DPP10: variants seen among roughly 807,000 people sequenced by gnomAD.
DPP10 encodes the protein dipeptidyl peptidase like 10, also known as inactive dipeptidyl peptidase 10.
Under a neutral mutation model 120.9 loss-of-function variants are expected in DPP10, and 33 were observed. The ratio of observed to expected loss-of-function variants is 0.27; its 90% CI spans 0.21 to 0.37. The LOEUF is 0.37. DPP10 is among the 10% of genes least tolerant of loss of function. DPP10 has a pLI of 1.00. For synonymous variants in DPP10, 337 were observed against 326.1 expected (o/e 1.03, Z -0.36); for missense variants, 816 against 942.8 (o/e 0.87, Z 1.76).
At chr2:114,616,647 G>A (rs931307428) in intron 1 of DPP10, among the ~76,000 whole-genome samples, 1 of 152,066 alleles carries the variant, frequency 6.6e-6, no homozygotes, top group Admixed American at 6.6e-5. Flanking sequence ...AAAGAAGCTG[G>A]TTAATAAAAC....
intron 1 of DPP10, among the ~76,000 whole-genome samples, chr2:115,209,965 G>T (rs2056397309): frequency 6.6e-6 from 1 of 152,054 alleles, no homozygotes; most frequent in African/African-American, 2.4e-5. Flanking sequence ...GATTGTTTGA[G>T]GCTAGGAGTT....
intron 19 of DPP10, among the ~76,000 whole-genome samples, chr2:115,798,457 G>A (rs1284584251): frequency 1.3e-5 from 2 of 151,956 alleles, no homozygotes; most frequent in African/African-American, 4.8e-5. Context: ...GTTATTCCAG[G>A]ATTTTTTAAA....
chr2:114,699,188 A>G (rs1008101388), intron 1 of DPP10, among the ~76,000 whole-genome samples: 1 of 152,144 alleles, frequency 6.6e-6, no homozygotes, highest in East Asian at 1.9e-4. Context: ...ACTCAGAATA[A>G]CATGCTATAT....
At chr2:114,644,834 A>G (rs1695997777) in intron 1 of DPP10, among the ~76,000 whole-genome samples, 3 of 151,938 alleles carry the variant, frequency 2.0e-5, no homozygotes, top group Admixed American at 2.0e-4. Context: ...CGTGCTACTA[A>G]CATTTATCAT....
intron 1 of DPP10, among the ~76,000 whole-genome samples, chr2:115,023,501 T>C (rs1189270641): frequency 6.6e-6 from 1 of 151,902 alleles, no homozygotes; most frequent in Non-Finnish European, 1.5e-5. Context: ...ATAATAGATG[T>C]TGTTGTGGAT....
chr2:114,834,401 A>C (rs1558790426), intron 1 of DPP10, among the ~76,000 whole-genome samples: 1 of 151,156 alleles, frequency 6.6e-6, no homozygotes, highest in South Asian at 2.1e-4. Flanking sequence ...ATGTATATAT[A>C]AGCCATATCT....
At chr2:115,325,187 A>G (rs1468539322) in intron 2 of DPP10, among the ~76,000 whole-genome samples, 1 of 152,156 alleles carries the variant, frequency 6.6e-6, no homozygotes, top group Non-Finnish European at 1.5e-5. Flanking sequence ...ACAACAGGCT[A>G]CCACAACCCT....
chr2:114,917,612 A>G (rs1306989309), intron 1 of DPP10, among the ~76,000 whole-genome samples: 1 of 152,168 alleles, frequency 6.6e-6, no homozygotes, highest in Admixed American at 6.6e-5. Context: ...AAACAGACAC[A>G]TAGACCAATA....
At chr2:115,479,718 T>G (rs751035354) in intron 3 of DPP10, among the ~76,000 whole-genome samples, 2 of 152,146 alleles carry the variant, frequency 1.3e-5, no homozygotes, top group African/African-American at 4.8e-5. Flanking sequence ...TCAAATTTGC[T>G]CCAGCTTTAT....
At position 114,703,014 on chromosome 2, in the gene DPP10, G is replaced by A. The variant is rs573037342; in HGVS notation, c.60+260176G>A. Among the ~76,000 whole-genome samples the A allele has an allele frequency of 2.0e-5, 3 of 152,186 alleles. No individual in the cohort carries two copies. The South Asian group carries it at 6.2e-4, about 32-fold the overall frequency. Reference sequence around the variant, plus strand: ...TTAGGGTGAGCAGGGTGGGAAGAAGGGGAGGGGATATACATTGGCAGAGAG... The same window carrying A: ...TTAGGGTGAGCAGGGTGGGAAGAAGAGGAGGGGATATACATTGGCAGAGAG... On this transcript the variant is annotated intron_variant, in intron 1 of 25. Transcript: ENST00000410059.
intron 3 of DPP10, among the ~76,000 whole-genome samples, chr2:115,454,255 G>C (rs2073347897): frequency 6.6e-6 from 1 of 151,192 alleles, no homozygotes; most frequent in Non-Finnish European, 1.5e-5. Context: ...TGCATCACAA[G>C]GAAACACAAC....
At chr2:115,765,315 A>G (rs1460358755) in intron 12 of DPP10, among the ~76,000 whole-genome samples, 1 of 152,134 alleles carries the variant, frequency 6.6e-6, no homozygotes, top group Non-Finnish European at 1.5e-5. Flanking sequence ...GGAGAACGGT[A>G]AGGGAGGAGT....
At chr2:114,944,648 A>T (rs1467232893) in intron 1 of DPP10, among the ~76,000 whole-genome samples, 1 of 152,194 alleles carries the variant, frequency 6.6e-6, no homozygotes, top group African/African-American at 2.4e-5. Flanking sequence ...TTCTATAGGA[A>T]CCATATAACG....
At chr2:115,333,856 A>T (rs2062919789) in intron 2 of DPP10, among the ~76,000 whole-genome samples, 1 of 151,726 alleles carries the variant, frequency 6.6e-6, no homozygotes, top group South Asian at 2.1e-4. Flanking sequence ...TGCCCTTAAC[A>T]TTTTTTCCTT....
At chr2:115,561,920 C>G (rs2080709617) in intron 5 of DPP10, among the ~76,000 whole-genome samples, 1 of 152,202 alleles carries the variant, frequency 6.6e-6, no homozygotes, top group African/African-American at 2.4e-5. Context: ...ATCTCCCAAA[C>G]TGTCCTATAT....
intron 8 of DPP10, among the ~76,000 whole-genome samples, chr2:115,730,472 C>T (rs183713670): frequency 4.5e-4 from 68 of 152,236 alleles, no homozygotes; most frequent in Non-Finnish European, 8.1e-4. Flanking sequence ...CACGTACTGA[C>T]GTGCTCCCTT....
intron 1 of DPP10, among the ~76,000 whole-genome samples, chr2:114,730,942 A>G (rs559384260): frequency 6.7e-6 from 1 of 150,216 alleles, no homozygotes. Flanking sequence ...GCCACGGAAG[A>G]GCCAGCCAGA....
At chr2:115,510,083 A>T (rs1210290977) in intron 4 of DPP10, among the ~76,000 whole-genome samples, 1 of 152,054 alleles carries the variant, frequency 6.6e-6, no homozygotes, top group Non-Finnish European at 1.5e-5. Context: ...AGATTTTTTC[A>T]TATATTATAA....
At chr2:115,079,581 C>T (rs1454200377) in intron 1 of DPP10, among the ~76,000 whole-genome samples, 3 of 151,944 alleles carry the variant, frequency 2.0e-5, no homozygotes, top group Non-Finnish European at 4.4e-5. Flanking sequence ...TAGTACTTGC[C>T]AGCTAGACAA....
Sources: gnomAD v4.1 joint callset for allele counts (sites outside exome capture counted in the v4.1 genomes callset) on GRCh38, gnomAD v4.1.1 for gene constraint, MANE v1.5 for transcripts, NCBI Gene and HGNC (gene_info 2026-07-23, HGNC 2026-07-21) for gene names.